The following LRP1 variants were observed in gnomAD, a reference collection of about 807,000 sequenced individuals.
The protein encoded by LRP1 is LDL receptor related protein 1.
A neutral mutation model predicts 541.5 loss-of-function variants in LRP1; 51 were observed. That is an observed-to-expected ratio of 0.09 (90% confidence interval 0.08 to 0.12). The LOEUF (loss-of-function observed/expected upper bound fraction) is 0.12. LRP1 is among the 10% of genes least tolerant of loss of function. The pLI, the probability that LRP1 is intolerant of heterozygous loss-of-function variation, is 1.00. For missense variants in LRP1, 3,878 were observed against 6,376.2 expected, an observed-to-expected ratio of 0.61 and a Z score of 13.34; for synonymous variants, 2,219 against 2,470.8, an observed-to-expected ratio of 0.90 and a Z score of 3.02.
In LRP1 at chr12:57,194,968, G is replaced by A. The variant is rs747488729; in HGVS notation, c.8192-17G>A. On this transcript the variant is annotated splice_polypyrimidine_tract_variant and intron_variant, in intron 50 of 88. Coordinates refer to ENST00000243077, the MANE Select transcript of LRP1 (RefSeq NM_002332.3). ...CCCCACCCTTCCCCATCTAACTGTG[G>A]CTTCTGACTGCCCCAGACAAGTTCT... 1 of 1,602,696 alleles carries A rather than the reference G, an allele frequency of 6.2e-7. No individual in the cohort carries two copies. The highest frequency in any genetic ancestry group is 1.1e-5 in the South Asian group (1 of 90,928).
Position 57,178,414 on chromosome 12 carries a change from C to G in LRP1, c.4417C>G (p.Arg1473Gly). Residue 1473 changes from arginine (R) to glycine (G), a missense_variant, in exon 27 of 89, where the codon CGG becomes GGG. Physicochemically the swap from Arg to Gly is moderately radical, Grantham distance 125. This residue lies in a region of LRP1 where 54 missense variants were observed against 167.7 expected (regional missense o/e 0.32). Coordinates refer to ENST00000243077, the MANE Select transcript of LRP1 (RefSeq NM_002332.3). The surrounding 1 kb of genome is among the most constrained non-coding windows in gnomAD (Gnocchi z 5.8). ...CGGCTCTGGCCACATGGAGGTGCTT[C>G]GGGGACACGAGTTCCTGTCGCACCC... ...YDGSGHMEVLRGHEFLSHPFA... is the reference protein window; with the variant it reads ...YDGSGHMEVLGGHEFLSHPFA... The G allele has an allele frequency of 6.2e-7, 1 of 1,614,200 alleles. No individual in the cohort carries two copies. Among genetic ancestry groups the G allele is most frequent in the Non-Finnish European group, 8.5e-7 (1 of 1,180,016 alleles).
In LRP1 at chr12:57,199,957, G is replaced by A; in HGVS notation, c.9946G>A (p.Ala3316Thr). 6.3e-7 allele frequency: 1 copy of A among 1,589,772 alleles called. No homozygotes were observed. The highest frequency in any genetic ancestry group is 8.5e-7 in the Non-Finnish European group (1 of 1,172,418). Residue 3316 changes from alanine (A) to threonine (T), a missense_variant, in exon 62 of 89, where the codon GCC (alanine) becomes ACC (threonine). Physicochemically the swap from Ala to Thr is moderately conservative, Grantham distance 58 (BLOSUM62 0). Transcript: ENST00000243077. ...LLSPGGGHKC[A>T]CPTNFYLGSD... ...GTCCCCCGGGGGAGGGCACAAATGT[G>A]CCTGCCCCACCAACTTCTACCTGGG...
chr12:57,178,361 C>G lies in LRP1; in HGVS notation c.4364C>G (p.Ser1455Ter). The G allele has an allele frequency of 6.2e-7, 1 of 1,613,162 alleles. No individual in the cohort carries two copies. Among genetic ancestry groups the G allele is most frequent in the Non-Finnish European group, 8.5e-7 (1 of 1,179,274 alleles). The change falls in exon 27 of 89, where the codon TCA becomes TGA. Residue 1455 changes from serine (S) to a stop codon, truncating the protein, a stop_gained and splice_region_variant. Coordinates refer to ENST00000243077, the MANE Select transcript of LRP1 (RefSeq NM_002332.3). LOFTEE classifies it high-confidence loss of function. The surrounding 1 kb of genome is among the most constrained non-coding windows in gnomAD (Gnocchi z 5.8). Reference sequence around the variant, plus strand: ...ATTCTGCTCCATCATGCTCTTAGGTCAGATGCCATTTACTCAGCCCGTTAC... The same window carrying G: ...ATTCTGCTCCATCATGCTCTTAGGTGAGATGCCATTTACTCAGCCCGTTAC... Reference protein sequence around the residue: ...EKRILWIDARSDAIYSARYDG... With the variant: ...EKRILWIDAR
chr12:57,178,313 C>T lies in LRP1; in HGVS notation c.4362-46C>T. On this transcript the variant is annotated intron_variant, in intron 26 of 88. Coordinates refer to ENST00000243077, the MANE Select transcript of LRP1 (RefSeq NM_002332.3). This position sits in a 1 kb window ranked among gnomAD's most constrained non-coding sequence, Gnocchi z 5.8. ...GGGCACCTGGGCAGAGCTCTGAGGG[C>T]TGAGATCCCAGCTGGCATCCTCATT... 6.3e-7 allele frequency: 1 copy of T among 1,583,926 alleles called. No homozygotes were observed. The highest frequency in any genetic ancestry group is 8.6e-7 in the Non-Finnish European group (1 of 1,162,918).
At chr12:57,129,682 G>A (rs1397224977) in intron 1 of LRP1, among the ~76,000 whole-genome samples, 1 of 152,208 alleles carries the variant, frequency 6.6e-6, no homozygotes, top group African/African-American at 2.4e-5. Context: ...GGGGCAGAGA[G>A]GGGGAGCTCG....
At chr12:57,194,890 T>G in intron 50 of LRP1, 95 bp from the exon 51 acceptor site, 1 of 1,184,028 alleles carries the variant, frequency 8.4e-7, no homozygotes, top group Non-Finnish European at 1.3e-6. Context: ...AGAGGGGTGC[T>G]GTGGGCATCT....
intron 67 of LRP1, 109 bp downstream of exon 67, chr12:57,202,014 C>T: frequency 6.9e-7 from 1 of 1,451,690 alleles, no homozygotes; most frequent in Non-Finnish European, 9.5e-7. Flanking sequence ...CTCAGCGTGG[C>T]CCTGCTGCTG....
At position 57,185,393 on chromosome 12, in the gene LRP1, G is replaced by T; in HGVS notation, c.6464-138G>T. ...TGCTCTGGGACAGATCTTGGCATTG[G>T]ACTCTGGGCCCTGGAGGGTCATTCA... On this transcript the variant is annotated intron_variant, in intron 40 of 88. Transcript: ENST00000243077. This position sits in a 1 kb window ranked among gnomAD's most constrained non-coding sequence, Gnocchi z 4.9. The T allele has an allele frequency of 7.5e-7, 1 of 1,332,980 alleles. No individual in the cohort carries two copies. Among genetic ancestry groups the T allele is most frequent in the Admixed American group, 2.6e-5 (1 of 39,048 alleles). 82.6% of individuals were successfully genotyped at this position (1,332,980 alleles called of 1,614,324 possible).
chr12:57,148,949 T>C (rs1296213287), intron 6 of LRP1: 1 of 589,950 alleles, frequency 1.7e-6, no homozygotes. Context: ...TTTCCCTTCC[T>C]CTCCCTTTCT....
rs778705422 is a variant in LRP1, at chr12:57,165,456, C to T, written c.2531-349C>T. On this transcript the variant is annotated intron_variant, in intron 15 of 88. Coordinates refer to ENST00000243077, the MANE Select transcript of LRP1 (RefSeq NM_002332.3). This position sits in a 1 kb window ranked among gnomAD's most constrained non-coding sequence, Gnocchi z 4.5. ...GACCGGGGCAGGGCCCTGGGGTTCC[C>T]GGAGATGACTTCCAAGGGGAAGTTC... is the stretch of plus-strand genomic sequence containing the variant. The T allele has an allele frequency of 2.9e-5, 6 of 208,546 alleles. No homozygotes were observed. The highest frequency in any genetic ancestry group is 5.2e-5 in the Admixed American group (1 of 19,202). 12.9% of individuals were successfully genotyped at this position (208,546 alleles called of 1,614,324 possible).
At chr12:57,163,786 G>A (rs916841409) in intron 15 of LRP1, among the ~76,000 whole-genome samples, 3 of 151,906 alleles carry the variant, frequency 2.0e-5, no homozygotes, top group East Asian at 1.9e-4. Flanking sequence ...TGCCCTTTTC[G>A]GTTCAAGTGT....
chr12:57,175,310 A>G, intron 22 of LRP1, 150 bp from the exon 23 acceptor site: 1 of 911,762 alleles, frequency 1.1e-6, no homozygotes, highest in South Asian at 1.6e-5. Context: ...GCTCAGCCTG[A>G]AGCTCAGCAG....
In LRP1 at chr12:57,197,017, C is replaced by T. The variant is rs531857630; in HGVS notation, c.8928C>T (p.Asp2976=). The change falls in exon 56 of 89, where the codon GAC becomes GAT. Residue 2976 remains aspartate (D), a synonymous_variant. Transcript: ENST00000243077. This position sits in a 1 kb window ranked among gnomAD's most constrained non-coding sequence, Gnocchi z 4.5. ...RCRPGFRLKD[D]GRTCADVDEC... ...GCCCTGGCTTCCGGCTGAAGGACGA[C>T]GGCCGGACGTGTGCTGATGTGGACG... 1.2e-5 allele frequency: 20 copies of T among 1,613,498 alleles called. No homozygotes were observed. The highest frequency in any genetic ancestry group is 1.7e-4 in the Middle Eastern group (1 of 6,056).
intron 1 of LRP1, among the ~76,000 whole-genome samples, chr12:57,136,405 C>CCA (rs1555179791): frequency 6.7e-6 from 1 of 148,528 alleles, no homozygotes; most frequent in Non-Finnish European, 1.5e-5. Context: ...GCCCCCCCCC[C>CCA]CCGCCATTTT....
chr12:57,202,543 T>TGGGCCCCCCCCCCACCCC lies in LRP1; in HGVS notation c.10711+6_10711+7insGGGCCCCCCCCCCACCCC. 1 of 1,523,638 alleles carries TGGGCCCCCCCCCCACCCC rather than the reference T, an allele frequency of 6.6e-7. No homozygotes were observed. 94.4% of individuals were successfully genotyped at this position (1,523,638 alleles called of 1,614,324 possible). ...CTCCGATGAAGAGAGCTGCAGTACG[T>TGGGCCCCCCCCCCACCCC]CCCCACCCACCCAGCCCCGCATGAG... On this transcript the variant is annotated splice_region_variant and intron_variant, in intron 68 of 88. Coordinates refer to ENST00000243077, the MANE Select transcript of LRP1 (RefSeq NM_002332.3).
At chr12:57,208,625 C>G (rs34950222) in intron 77 of LRP1, 86 bp from the exon 78 acceptor site, 15,881 of 792,294 alleles carry the variant, frequency 0.02, 543 homozygotes, top group African/African-American at 0.1. Context: ...CAGTCCCTGT[C>G]CCCAGACCAA....
rs1463496066 is a variant in LRP1, at chr12:57,162,833, C to T, written c.2405-25C>T. ...TCTCCTCACCTCTTCCTCCCTTTGC[C>T]TTTCCCCATGGCCCTTCCCCACAGT... On this transcript the variant is annotated intron_variant, in intron 14 of 88. Transcript: ENST00000243077. The surrounding 1 kb of genome is among the most constrained non-coding windows in gnomAD (Gnocchi z 5.2). 6.3e-7 allele frequency: 1 copy of T among 1,594,236 alleles called. No homozygotes were observed. The highest frequency in any genetic ancestry group is 2.3e-5 in the East Asian group (1 of 44,096).
At position 57,195,368 on chromosome 12, in the gene LRP1, T is replaced by G; in HGVS notation, c.8406T>G (p.Asp2802Glu). 1 of 1,610,306 alleles carries G rather than the reference T, an allele frequency of 6.2e-7. No homozygotes were observed. The change falls in exon 52 of 89, where the codon GAT (aspartate) becomes GAG (glutamate). Residue 2802 changes from aspartate (D) to glutamate (E), a missense_variant. By Grantham distance (45) the Asp-to-Glu change is conservative. This residue lies in a region of LRP1 where 1,100 missense variants were observed against 1,827.4 expected (regional missense o/e 0.60). Transcript: ENST00000243077. ...GTGACGGTGACAAAGACTGTGCTGA[T>G]GGTGCAGACGAGAGCATCGCAGCTG... ...WLCDGDKDCA[D>E]GADESIAAGC...
At position 57,128,946 on chromosome 12, in the gene LRP1, G is replaced by T. The variant is rs2034975753; in HGVS notation, c.-19G>T. The T allele has an allele frequency of 1.3e-6, 2 of 1,540,814 alleles. No homozygotes were observed. Among genetic ancestry groups the T allele is most frequent in the Non-Finnish European group, 1.8e-6 (2 of 1,138,658 alleles). On this transcript the variant is annotated 5_prime_UTR_variant, in exon 1 of 89. Transcript: ENST00000243077. ...CAGGACCAGAGGGGAAGGGGCTGCT[G>T]CTTGCATCAGCCCACACCATGCTGA...
Sources: allele counts gnomAD v4.1 joint callset (sites outside exome capture counted in the v4.1 genomes callset), GRCh38; gene constraint gnomAD v4.1.1; regional missense constraint gnomAD v4.1.1; non-coding constraint Gnocchi (gnomAD v3.1); transcripts MANE v1.5; gene names NCBI Gene and HGNC (gene_info 2026-07-23, HGNC 2026-07-21).